The following ALK variants were observed in gnomAD, a reference collection of about 807,000 sequenced individuals.
ALK encodes the protein ALK receptor tyrosine kinase.
In ALK, 74 loss-of-function variants were observed where a neutral mutation model predicts 163.1. That is an observed-to-expected ratio of 0.45 (90% CI 0.38 to 0.55). The LOEUF (loss-of-function observed/expected upper bound fraction) is 0.55, where lower values mean the gene tolerates loss of function less well. ALK is among the 20% of genes least tolerant of loss of function. The probability of loss-of-function intolerance (pLI) is 0.00; values close to 1 mark genes in which losing one functional copy is unlikely to be tolerated. For missense variants in ALK, 2,063 were observed against 2,105.3 expected, an observed-to-expected ratio of 0.98 and a Z score of 0.39; for synonymous variants, 960 against 843.2, an observed-to-expected ratio of 1.14 and a Z score of -2.40.
intron 2 of ALK, among the ~76,000 whole-genome samples, chr2:29,700,660 T>C (rs993638983): frequency 1.3e-5 from 2 of 152,236 alleles, no homozygotes; most frequent in Non-Finnish European, 2.9e-5. Context: ...ATTTTTATCA[T>C]CTGATACTCA....
intron 5 of ALK, among the ~76,000 whole-genome samples, chr2:29,331,948 A>G (rs958462487): frequency 6.6e-6 from 1 of 151,784 alleles, no homozygotes; most frequent in African/African-American, 2.4e-5. Flanking sequence ...TATAGTTAAG[A>G]CCTTATTACC....
rs2148166696 is a variant in ALK at position 29,220,823 on chromosome 2, G to A, written c.3528C>T (p.His1176=). 6.2e-7 allele frequency: 1 copy of A among 1,614,140 alleles called. No individual in the cohort carries two copies. The highest frequency in any genetic ancestry group is 1.3e-5 in the African/African-American group (1 of 75,048). Reference sequence around the variant, plus strand: ...CCCCAATGCAGCGAACAATGTTCTGGTGGTTGAATTTGCTGCAGAGCAGAG... The same window carrying A: ...CCCCAATGCAGCGAACAATGTTCTGATGGTTGAATTTGCTGCAGAGCAGAG... ...MEALIISKFN[H]QNIVRCIGVS... Residue 1176 remains histidine, a synonymous_variant, in exon 23 of 29, where the codon CAC becomes CAT. Coordinates refer to ENST00000389048, the MANE Select transcript of ALK (RefSeq NM_004304.5).
intron 4 of ALK, among the ~76,000 whole-genome samples, chr2:29,394,388 C>T (rs1472812463): frequency 6.6e-6 from 1 of 151,882 alleles, no homozygotes; most frequent in Non-Finnish European, 1.5e-5. Flanking sequence ...AGTAGTGACC[C>T]TGAGAATCCT....
At chr2:29,775,584 GGTCT>G (rs1300123460) in intron 1 of ALK, among the ~76,000 whole-genome samples, 1 of 151,850 alleles carries the variant, frequency 6.6e-6, no homozygotes, top group Non-Finnish European at 1.5e-5. Context: ...AGAGAGAATG[GGTCT>G]CTCTGTTTAT....
At chr2:29,601,740 C>T (rs550995153) in intron 3 of ALK, among the ~76,000 whole-genome samples, 3 of 152,146 alleles carry the variant, frequency 2.0e-5, no homozygotes, top group East Asian at 3.9e-4. Flanking sequence ...GGAGTGATGC[C>T]GGGTTCAAGC....
intron 1 of ALK, among the ~76,000 whole-genome samples, chr2:29,901,077 C>A (rs899083904): frequency 2.0e-5 from 3 of 152,072 alleles, no homozygotes; most frequent in Non-Finnish European, 4.4e-5. Context: ...AGATTTGGAA[C>A]GAGGAGGGGA....
chr2:29,390,578 G>GA (rs11404229), intron 4 of ALK, among the ~76,000 whole-genome samples: 91,820 of 145,936 alleles, frequency 0.63, 28,465 homozygotes, highest in South Asian at 0.68. Context: ...GAAAGAAAGA[G>GA]AAAAAAAAAA....
At chr2:29,208,026 T>G (rs1264192604) in intron 25 of ALK, 3 of 452,446 alleles carry the variant, frequency 6.6e-6, no homozygotes, top group Admixed American at 4.7e-5. Flanking sequence ...GTACTGAATA[T>G]TTAGTATGTA....
intron 1 of ALK, among the ~76,000 whole-genome samples, chr2:29,745,683 C>G (rs1407404254): frequency 6.6e-6 from 1 of 152,206 alleles, no homozygotes; most frequent in East Asian, 1.9e-4. Flanking sequence ...AAAGTAGGTC[C>G]CCGCTTAGCA....
At chr2:29,902,201 A>G (rs545458140) in intron 1 of ALK, among the ~76,000 whole-genome samples, 2 of 152,248 alleles carry the variant, frequency 1.3e-5, no homozygotes, top group East Asian at 3.9e-4. Flanking sequence ...CCCAGGTGCA[A>G]ATTGAACTCA....
chr2:29,789,015 C>CTGTG (rs57619106), intron 1 of ALK, among the ~76,000 whole-genome samples: 2,058 of 125,470 alleles, frequency 0.016, 48 homozygotes, highest in African/African-American at 0.03. Flanking sequence ...TCCTGGTACA[C>CTGTG]TGTGTGTGTG....
Position 29,431,831 on chromosome 2 carries a change from C to T in ALK, c.1155-47972G>A, listed in dbSNP as rs551625463. On this transcript the variant is annotated intron_variant, in intron 4 of 28. Transcript: ENST00000389048. Reference sequence around the variant, plus strand: ...CCACAAAACAAATAGGATTGAGGGCCTACTAGGTAATAGGCACTTTGGGGA... The same window carrying T: ...CCACAAAACAAATAGGATTGAGGGCTTACTAGGTAATAGGCACTTTGGGGA... Among the ~76,000 whole-genome samples the T allele has an allele frequency of 3.3e-5, 5 of 152,172 alleles. No individual in the cohort carries two copies. In the East Asian group the frequency reaches 7.7e-4, roughly 24 times the overall value.
chr2:29,618,992 A>T (rs1250880379), intron 3 of ALK, among the ~76,000 whole-genome samples: 1 of 86,602 alleles, frequency 1.2e-5, no homozygotes, highest in Admixed American at 1.2e-4. Flanking sequence ...AAATAAATAA[A>T]AAATAAATAA....
At chr2:29,327,426 TA>T (rs1259463017) in intron 6 of ALK, among the ~76,000 whole-genome samples, 1 of 152,002 alleles carries the variant, frequency 6.6e-6, no homozygotes, top group Non-Finnish European at 1.5e-5. Flanking sequence ...CTAGGATGGC[TA>T]AAATTAAAAA....
chr2:29,652,043 G>A (rs2148254478), intron 3 of ALK, among the ~76,000 whole-genome samples: 1 of 152,268 alleles, frequency 6.6e-6, no homozygotes, highest in South Asian at 2.1e-4. Context: ...TTTACAGAGG[G>A]AAAGCTAATA....
At chr2:29,441,833 G>A (rs1481451520) in intron 4 of ALK, among the ~76,000 whole-genome samples, 1 of 152,172 alleles carries the variant, frequency 6.6e-6, no homozygotes, top group Admixed American at 6.5e-5. Context: ...GCCCAGGAAT[G>A]TTCCTCTGCA....
chr2:29,831,573 T>C (rs556047147), intron 1 of ALK, among the ~76,000 whole-genome samples: 1 of 152,318 alleles, frequency 6.6e-6, no homozygotes, highest in African/African-American at 2.4e-5. Flanking sequence ...CATCAGTGTA[T>C]ATATTTTGGC....
At chr2:29,716,988 CAAAAATCCAAAAAAAA>C (rs1254417043) in intron 2 of ALK, among the ~76,000 whole-genome samples, 5 of 35,358 alleles carry the variant, frequency 1.4e-4, no homozygotes, top group African/African-American at 6.2e-4. Context: ...CCGTGTCTAC[CAAAAATCCAAAAAAAA>C]AAAAAAAAAA....
intron 1 of ALK, among the ~76,000 whole-genome samples, chr2:29,752,352 T>TG (rs930443572): frequency 6.8e-6 from 1 of 146,474 alleles, no homozygotes; most frequent in Non-Finnish European, 1.5e-5. Context: ...TCTTTTCTTT[T>TG]TTTTTTTTTT....
Sources: allele counts gnomAD v4.1 joint callset (sites outside exome capture counted in the v4.1 genomes callset), GRCh38; gene constraint gnomAD v4.1.1; transcripts MANE v1.5; gene names NCBI Gene and HGNC (gene_info 2026-07-23, HGNC 2026-07-21).